HS6ST2: variants seen among roughly 807,000 people sequenced by gnomAD.
HS6ST2 encodes heparan sulfate 6-O-sulfotransferase 2.
In HS6ST2, 17 loss-of-function variants were observed where a neutral mutation model predicts 33.0. The observed-to-expected ratio is 0.52, with a 90% CI of 0.35 to 0.77. The LOEUF is 0.77. HS6ST2 is among the 30% of genes least tolerant of loss of function. The pLI is 0.01. For synonymous variants in HS6ST2, 248 were observed against 237.1 expected, an observed-to-expected ratio of 1.05 and a Z score of -0.42; for missense variants, 519 against 551.7, an observed-to-expected ratio of 0.94 and a Z score of 0.59.
chrX:132,862,206 C>A (rs943168326), intron 2 of HS6ST2, among the ~76,000 whole-genome samples: 2 of 111,883 alleles, frequency 1.8e-5, no homozygotes, highest in East Asian at 5.6e-4. Context: ...TATTTTCATA[C>A]CTGTACATTT....
chrX:132,671,410 ATCACTAAGTGCTGAG>A (rs1234944114), intron 3 of HS6ST2, among the ~76,000 whole-genome samples: 2 of 108,228 alleles, frequency 1.8e-5, no homozygotes, highest in Non-Finnish European at 3.8e-5. Context: ...TCATCACTAA[ATCACTAAGTGCTGAG>A]TCACTAAGTT....
chrX:132,954,098 G>A (rs1056631607), intron 2 of HS6ST2, among the ~76,000 whole-genome samples: 1 of 112,143 alleles, frequency 8.9e-6, no homozygotes, highest in African/African-American at 3.2e-5. Flanking sequence ...CTGGCCTCTT[G>A]CTGAAGATGG....
rs764250917 is a variant in HS6ST2 at position 132,743,178 on chromosome X, G to T, written c.948-34684C>A. ...CCAAAACCCAAGAGATATTTGACAA[G>T]GATAAAGGTCAAGCTGCAATCCAAG... On this transcript the variant is annotated intron_variant, in intron 2 of 4. Transcript: ENST00000370833. Among the ~76,000 whole-genome samples the T allele has an allele frequency of 3.4e-3, 379 of 112,679 alleles. 1 individual carries two copies. Among genetic ancestry groups the T allele is most frequent in the Middle Eastern group, 9.2e-3 (2 of 218 alleles).
chrX:132,787,165 A>G (rs761189291), intron 2 of HS6ST2, among the ~76,000 whole-genome samples: 33 of 67,995 alleles, frequency 4.9e-4, no homozygotes, highest in Non-Finnish European at 7.3e-4. Flanking sequence ...GTATATATAT[A>G]TGTATATATA....
At chrX:132,728,811 C>T (rs2064424716) in intron 2 of HS6ST2, among the ~76,000 whole-genome samples, 2 of 112,053 alleles carry the variant, frequency 1.8e-5, no homozygotes, top group African/African-American at 6.5e-5. Flanking sequence ...AATGAAAGTT[C>T]GACATAAATC....
At chrX:132,955,376 A>G (rs919913223) in intron 2 of HS6ST2, among the ~76,000 whole-genome samples, 6 of 112,403 alleles carry the variant, frequency 5.3e-5, no homozygotes, top group Non-Finnish European at 1.1e-4. Context: ...GGACAGTGTA[A>G]ACTGAGAGAA....
Position 132,654,966 on chromosome X carries a change from G to A in HS6ST2, c.1067+14147C>T, listed in dbSNP as rs181855666. ...CCAGTGGAGACAGTCCTCCAGCCGA[G>A]TCTCCAGCTGCACCTTTCTTACAAA... is the stretch of plus-strand genomic sequence containing the variant. On this transcript the variant is annotated intron_variant, in intron 4 of 4. Coordinates refer to ENST00000370833, the MANE Select transcript of HS6ST2 (RefSeq NM_001394073.1). Among the ~76,000 whole-genome samples, 15 of 112,225 alleles carry A rather than the reference G, an allele frequency of 1.3e-4. No individual in the cohort carries two copies. In the East Asian group the frequency reaches 3.7e-3, roughly 27 times the overall value.
chrX:132,864,547 G>T (rs1418830118), intron 2 of HS6ST2, among the ~76,000 whole-genome samples: 2 of 107,526 alleles, frequency 1.9e-5, no homozygotes, highest in Non-Finnish European at 3.8e-5. Flanking sequence ...AGACAAGATT[G>T]GAAAAAAAAA....
At chrX:132,735,968 T>C (rs1365572958) in intron 2 of HS6ST2, among the ~76,000 whole-genome samples, 1 of 111,009 alleles carries the variant, frequency 9.0e-6, no homozygotes, top group East Asian at 2.8e-4. Flanking sequence ...GCCTCCTGAG[T>C]AGCTGGGATT....
At chrX:132,831,379 T>G (rs772924789) in intron 2 of HS6ST2, among the ~76,000 whole-genome samples, 28 of 111,184 alleles carry the variant, frequency 2.5e-4, no homozygotes, top group Non-Finnish European at 4.9e-4. Context: ...TCCAACAAAA[T>G]AGCCTTCCAG....
Position 132,628,464 on chromosome X carries a change from A to G in HS6ST2, c.1697T>C (p.Leu566Pro). The part of the protein sequence containing the change: ...EQRKFLKGRL[L>P]QTHFQSQGQG... ...ACCCTGGCTCTGGAAATGGGTCTGA[A>G]GGAGCCTTCCCTTCAGAAATTTGCG... is the stretch of plus-strand genomic sequence containing the variant. Residue 566 changes from leucine (L) to proline (P), a missense_variant, in exon 5 of 5, where the codon CTT (leucine) becomes CCT (proline). Physicochemically the swap from Leu to Pro is moderately conservative, Grantham distance 98. Transcript: ENST00000370833. 1 of 1,211,040 alleles carries G rather than the reference A, an allele frequency of 8.3e-7. No homozygotes were observed. The highest frequency in any genetic ancestry group is 1.7e-5 in the African/African-American group (1 of 57,639).
chrX:132,939,919 C>T (rs958216663), intron 2 of HS6ST2, among the ~76,000 whole-genome samples: 2 of 111,475 alleles, frequency 1.8e-5, no homozygotes, highest in Non-Finnish European at 3.8e-5. Flanking sequence ...AAATCCCAGC[C>T]GGCTTCTTTG....
At chrX:132,882,119 G>T (rs1279229985) in intron 2 of HS6ST2, among the ~76,000 whole-genome samples, 1 of 111,119 alleles carries the variant, frequency 9.0e-6, no homozygotes, top group Non-Finnish European at 1.9e-5. Context: ...CTCTTTTTTG[G>T]TTCCATATGA....
At chrX:132,845,310 T>C (rs1039603513) in intron 2 of HS6ST2, among the ~76,000 whole-genome samples, 3 of 110,297 alleles carry the variant, frequency 2.7e-5, no homozygotes, top group Non-Finnish European at 5.7e-5. Context: ...GTTGCATGTG[T>C]GTATATATAA....
At chrX:132,687,506 G>C (rs1342225690) in intron 3 of HS6ST2, among the ~76,000 whole-genome samples, 1 of 110,583 alleles carries the variant, frequency 9.0e-6, no homozygotes, top group Non-Finnish European at 1.9e-5. Flanking sequence ...TCAGCCGCTG[G>C]GGGAGGGGAG....
chrX:132,800,996 C>T (rs1472111017), intron 2 of HS6ST2, among the ~76,000 whole-genome samples: 1 of 111,686 alleles, frequency 9.0e-6, no homozygotes, highest in African/African-American at 3.3e-5. Flanking sequence ...GAGGCCTCCC[C>T]AGCCCTGTGG....
At chrX:132,722,882 AAC>A (rs1175952169) in intron 2 of HS6ST2, among the ~76,000 whole-genome samples, 1 of 66,798 alleles carries the variant, frequency 1.5e-5, no homozygotes, top group Admixed American at 1.6e-4. Flanking sequence ...AAAATAAAAA[AAC>A]AAAAAAAAAA....
intron 2 of HS6ST2, among the ~76,000 whole-genome samples, chrX:132,838,859 A>T (rs1456233846): frequency 6.4e-5 from 7 of 109,976 alleles, no homozygotes; most frequent in Non-Finnish European, 1.3e-4. Context: ...ATGACCAACA[A>T]GCATATAATA....
chrX:132,847,432 G>C (rs963746598), intron 2 of HS6ST2, among the ~76,000 whole-genome samples: 2 of 111,250 alleles, frequency 1.8e-5, no homozygotes, highest in Non-Finnish European at 3.8e-5. Flanking sequence ...CGTTGTGGGG[G>C]ATGACAGTAT....
Sources: allele counts gnomAD v4.1 joint callset (sites outside exome capture counted in the v4.1 genomes callset), GRCh38; gene constraint gnomAD v4.1.1; transcripts MANE v1.5; gene names NCBI Gene and HGNC (gene_info 2026-07-23, HGNC 2026-07-21).